The following FOXP1 variants were observed in gnomAD, a reference collection of about 807,000 sequenced individuals.
The protein encoded by FOXP1 is forkhead box P1.
FOXP1 carries 15 observed loss-of-function variants against 98.2 expected under a neutral mutation model. The ratio of observed to expected loss-of-function variants is 0.15; its 90% CI spans 0.10 to 0.24. The LOEUF is 0.24. FOXP1 is among the 10% of genes least tolerant of loss of function. The pLI is 1.00. For missense variants in FOXP1, 633 were observed against 848.5 expected (o/e 0.75, Z 3.15); for synonymous variants, 371 against 314.5 (o/e 1.18, Z -1.90).
At chr3:70,971,984 AAAAC>A in intron 18 of FOXP1, 4 of 1,356,856 alleles carry the variant, frequency 2.9e-6, no homozygotes, top group South Asian at 2.0e-5. Context: ...GCAGAAAAAA[AAAAC>A]AAAAGCAAGT....
intron 3 of FOXP1, among the ~76,000 whole-genome samples, chr3:71,428,190 C>G (rs1392914289): frequency 6.6e-6 from 1 of 152,192 alleles, no homozygotes; most frequent in Non-Finnish European, 1.5e-5. Context: ...ACCCTCAGAA[C>G]AAGGCATTCA....
chr3:71,163,441 T>G (rs1231637458), intron 6 of FOXP1, among the ~76,000 whole-genome samples: 1 of 152,150 alleles, frequency 6.6e-6, no homozygotes, highest in Non-Finnish European at 1.5e-5. Flanking sequence ...GTGACTCAGG[T>G]GGTGGAAACA....
At chr3:71,285,321 T>C (rs1163132453) in intron 5 of FOXP1, among the ~76,000 whole-genome samples, 5 of 152,220 alleles carry the variant, frequency 3.3e-5, no homozygotes, top group Non-Finnish European at 7.3e-5. Context: ...TAAATTCTCA[T>C]GCTATACAAA....
intron 3 of FOXP1, among the ~76,000 whole-genome samples, chr3:71,398,205 C>T (rs565601694): frequency 2.0e-5 from 3 of 152,336 alleles, no homozygotes; most frequent in South Asian, 2.1e-4. Context: ...AAGCATCTAT[C>T]TAATCTGATT....
intron 12 of FOXP1, among the ~76,000 whole-genome samples, chr3:71,013,764 A>G (rs1407522673): frequency 2.0e-5 from 3 of 152,242 alleles, no homozygotes; most frequent in Non-Finnish European, 4.4e-5. Flanking sequence ...ACAAGGCTAC[A>G]GTAACCAAAA....
intron 5 of FOXP1, among the ~76,000 whole-genome samples, chr3:71,256,113 T>A (rs1331308439): frequency 6.6e-6 from 1 of 152,172 alleles, no homozygotes; most frequent in Non-Finnish European, 1.5e-5. Context: ...CCCAATGACG[T>A]AAATACCAGA....
intron 7 of FOXP1, among the ~76,000 whole-genome samples, chr3:71,055,308 G>A (rs1264113073): frequency 1.3e-5 from 2 of 152,180 alleles, no homozygotes; most frequent in East Asian, 3.8e-4. Context: ...GGATGTTGAT[G>A]TGCCAGTGTC....
Position 71,485,684 on chromosome 3 carries a change from G to A in FOXP1, c.-168+7742C>T, listed in dbSNP as rs565478390. Among the ~76,000 whole-genome samples the A allele has an allele frequency of 9.4e-4, 142 of 151,616 alleles. No individual in the cohort carries two copies. The Middle Eastern group carries it at 0.017, about 18-fold the overall frequency. On this transcript the variant is annotated intron_variant, in intron 3 of 20. Transcript: ENST00000649528. ...CTAGGGAGGCTGAGGCAGGAGAATC[G>A]CTTGAACCTGGGAGGCAGAGGTTGC...
chr3:71,213,536 G>A (rs1334752595), intron 5 of FOXP1, among the ~76,000 whole-genome samples: 2 of 152,152 alleles, frequency 1.3e-5, no homozygotes, highest in Non-Finnish European at 2.9e-5. Flanking sequence ...CATACACATG[G>A]CCGGGCATGG....
intron 3 of FOXP1, chr3:71,360,414 A>G (rs2078479714): frequency 6.6e-6 from 1 of 152,130 alleles, no homozygotes. Flanking sequence ...GGAAACAGTC[A>G]CTCTGTTCAT....
At position 71,400,478 on chromosome 3, in the gene FOXP1, C is replaced by T. The variant is rs550560641; in HGVS notation, c.-167-41234G>A. Among the ~76,000 whole-genome samples the T allele has an allele frequency of 2.6e-5, 4 of 152,194 alleles. No individual in the cohort carries two copies. In the South Asian group the frequency reaches 8.3e-4, roughly 32 times the overall value. On this transcript the variant is annotated intron_variant, in intron 3 of 20. Transcript: ENST00000649528. The stretch of plus-strand genomic sequence containing the variant: ...GTTCAATCGATTCTCGTGCCTCAGC[C>T]TCCTGAGTAGCTGGGATTACAGGCA...
At chr3:71,500,606 G>A (rs1470242433) in intron 2 of FOXP1, among the ~76,000 whole-genome samples, 2 of 152,178 alleles carry the variant, frequency 1.3e-5, no homozygotes, top group Non-Finnish European at 2.9e-5. Context: ...TGGATGAATG[G>A]AGAGACTTGC....
At chr3:71,283,556 C>A (rs1227520272) in intron 5 of FOXP1, among the ~76,000 whole-genome samples, 5 of 152,148 alleles carry the variant, frequency 3.3e-5, no homozygotes, top group Admixed American at 3.3e-4. Flanking sequence ...ATCTGGATGA[C>A]AACCCTTTTT....
At chr3:70,959,425 C>T in intron 20 of FOXP1, 34 bp from the exon 21 acceptor site, 1 of 1,613,656 alleles carries the variant, frequency 6.2e-7, no homozygotes, top group South Asian at 1.1e-5. Context: ...AGTGAGGGTA[C>T]TTCCCAGCCC....
At chr3:71,265,832 A>C (rs1553807801) in intron 5 of FOXP1, among the ~76,000 whole-genome samples, 1 of 152,184 alleles carries the variant, frequency 6.6e-6, no homozygotes, top group Non-Finnish European at 1.5e-5. Flanking sequence ...CATTGGAATC[A>C]CGTAGGAGGG....
At chr3:71,133,545 G>A (rs918384601) in intron 6 of FOXP1, among the ~76,000 whole-genome samples, 3 of 152,194 alleles carry the variant, frequency 2.0e-5, no homozygotes, top group Admixed American at 1.3e-4. Context: ...CCTGATCCCC[G>A]TGGCCATTGT....
At chr3:71,450,160 G>T (rs2086808619) in intron 3 of FOXP1, among the ~76,000 whole-genome samples, 1 of 152,218 alleles carries the variant, frequency 6.6e-6, no homozygotes, top group South Asian at 2.1e-4. Flanking sequence ...CTGCGTATTA[G>T]AGTCAATGTG....
chr3:70,999,248 C>A (rs574193144), intron 13 of FOXP1, among the ~76,000 whole-genome samples: 1 of 152,150 alleles, frequency 6.6e-6, no homozygotes, highest in Non-Finnish European at 1.5e-5. Flanking sequence ...CGCCACCACA[C>A]CTGGCTAATT....
chr3:71,329,234 T>G (rs1422050191), intron 4 of FOXP1, among the ~76,000 whole-genome samples: 2 of 151,698 alleles, frequency 1.3e-5, no homozygotes, highest in Non-Finnish European at 2.9e-5. Flanking sequence ...TCTTTTTCTT[T>G]TTTTTGAGAG....
Sources: gnomAD v4.1 joint callset for allele counts (sites outside exome capture counted in the v4.1 genomes callset) on GRCh38, gnomAD v4.1.1 for gene constraint, MANE v1.5 for transcripts, NCBI Gene and HGNC (gene_info 2026-07-23, HGNC 2026-07-21) for gene names.